KLHL1: variants seen among roughly 807,000 people sequenced by gnomAD.
KLHL1 encodes kelch like family member 1.
KLHL1 carries 47 observed loss-of-function variants against 77.7 expected under a neutral mutation model. The ratio of observed to expected loss-of-function variants is 0.60; its 90% confidence interval spans 0.48 to 0.77. KLHL1 has a LOEUF of 0.77. KLHL1 is among the 30% of genes least tolerant of loss of function. The pLI, the probability that KLHL1 is intolerant of heterozygous loss-of-function variation, is 0.00. For missense variants in KLHL1, 925 were observed against 910.8 expected, an observed-to-expected ratio of 1.02 and a Z score of -0.20; for synonymous variants, 360 against 325.2, an observed-to-expected ratio of 1.11 and a Z score of -1.15.
At chr13:69,785,810 AATG>A (rs1876509637) in intron 7 of KLHL1, among the ~76,000 whole-genome samples, 1 of 152,210 alleles carries the variant, frequency 6.6e-6, no homozygotes, top group Non-Finnish European at 1.5e-5. Flanking sequence ...TGCAATAAAA[AATG>A]ATAAAGGGGA....
chr13:69,758,191 C>T (rs1180948158), intron 7 of KLHL1, among the ~76,000 whole-genome samples: 1 of 151,990 alleles, frequency 6.6e-6, no homozygotes, highest in Non-Finnish European at 1.5e-5. Flanking sequence ...AAATCTTTCA[C>T]TATCTCTTAT....
intron 1 of KLHL1, among the ~76,000 whole-genome samples, chr13:69,983,856 T>A (rs1008889345): frequency 6.6e-6 from 1 of 151,938 alleles, no homozygotes; most frequent in Non-Finnish European, 1.5e-5. Context: ...CATAGACCAA[T>A]GGAACAGACT....
chr13:69,969,405 C>T (rs1884314155), intron 2 of KLHL1, among the ~76,000 whole-genome samples: 1 of 152,020 alleles, frequency 6.6e-6, no homozygotes, highest in South Asian at 2.1e-4. Context: ...ATATTTATTA[C>T]ATACCAATTA....
At chr13:69,780,904 G>A (rs749305799) in intron 7 of KLHL1, among the ~76,000 whole-genome samples, 3 of 151,376 alleles carry the variant, frequency 2.0e-5, no homozygotes, top group Non-Finnish European at 4.4e-5. Context: ...CCTGACACAT[G>A]AGCATTTCTG....
chr13:69,773,027 T>C (rs537174506), intron 7 of KLHL1, among the ~76,000 whole-genome samples: 1 of 152,018 alleles, frequency 6.6e-6, no homozygotes, highest in South Asian at 2.1e-4. Flanking sequence ...TGATGTTTTG[T>C]AGACCATTAC....
intron 1 of KLHL1, among the ~76,000 whole-genome samples, chr13:70,104,275 C>A (rs1253701461): frequency 6.6e-6 from 1 of 152,054 alleles, no homozygotes; most frequent in Non-Finnish European, 1.5e-5. Flanking sequence ...GGTAGTAGAG[C>A]ACTGAGATTT....
At chr13:70,013,480 G>GT (rs1301670021) in intron 1 of KLHL1, among the ~76,000 whole-genome samples, 1 of 152,196 alleles carries the variant, frequency 6.6e-6, no homozygotes, top group African/African-American at 2.4e-5. Flanking sequence ...AGGTGATAGT[G>GT]TAACAGTAGG....
chr13:69,956,158 T>A (rs1275986229), intron 3 of KLHL1, among the ~76,000 whole-genome samples: 7 of 139,918 alleles, frequency 5.0e-5, no homozygotes, highest in African/African-American at 1.9e-4. Flanking sequence ...TTATATATAT[T>A]TGATATATAT....
chr13:69,928,520 T>A (rs1286845439), intron 4 of KLHL1, among the ~76,000 whole-genome samples: 3 of 152,108 alleles, frequency 2.0e-5, no homozygotes, highest in Non-Finnish European at 4.4e-5. Flanking sequence ...TGTAAACAAC[T>A]CAAATGTCCA....
intron 7 of KLHL1, 129 bp from the exon 8 acceptor site, chr13:69,740,685 G>A: frequency 1.8e-6 from 1 of 564,628 alleles, no homozygotes; most frequent in Admixed American, 3.5e-5. Flanking sequence ...ATTAAAAATT[G>A]AATAGATTTA....
intron 5 of KLHL1, among the ~76,000 whole-genome samples, chr13:69,859,642 AATCT>A (rs1465433618): frequency 1.3e-5 from 2 of 152,148 alleles, no homozygotes; most frequent in African/African-American, 4.8e-5. Flanking sequence ...ATGCTCAGTA[AATCT>A]ATCTAAAAAT....
intron 1 of KLHL1, among the ~76,000 whole-genome samples, chr13:70,036,073 C>A (rs1160544816): frequency 6.6e-6 from 1 of 151,860 alleles, no homozygotes; most frequent in Admixed American, 6.6e-5. Flanking sequence ...AAATAATAAT[C>A]ATACTTCTAA....
chr13:69,978,488 AT>A (rs66960703), intron 1 of KLHL1, among the ~76,000 whole-genome samples: 85,234 of 139,340 alleles, frequency 0.61, 26,688 homozygotes, highest in Non-Finnish European at 0.7. Context: ...TGGTCAGAAT[AT>A]TTTTTTTTTT....
chr13:69,799,812 C>T (rs1354560472), intron 6 of KLHL1, among the ~76,000 whole-genome samples: 1 of 152,108 alleles, frequency 6.6e-6, no homozygotes, highest in African/African-American at 2.4e-5. Context: ...GGACGTGGAC[C>T]AGTAATGGTC....
At chr13:69,993,706 T>C (rs1257632959) in intron 1 of KLHL1, among the ~76,000 whole-genome samples, 3 of 152,072 alleles carry the variant, frequency 2.0e-5, no homozygotes, top group Non-Finnish European at 4.4e-5. Flanking sequence ...GGATGCCTTA[T>C]TATTTAATTT....
chr13:70,066,724 T>C (rs559762832), intron 1 of KLHL1, among the ~76,000 whole-genome samples: 3 of 152,340 alleles, frequency 2.0e-5, no homozygotes, highest in African/African-American at 7.2e-5. Context: ...ATGTCAAAGC[T>C]GGAATTATAA....
intron 1 of KLHL1, among the ~76,000 whole-genome samples, chr13:70,094,648 T>A (rs576992864): frequency 4.9e-4 from 74 of 152,234 alleles, no homozygotes; most frequent in African/African-American, 1.6e-3. Context: ...CATTTTACTT[T>A]GGATGGGCTT....
intron 8 of KLHL1, among the ~76,000 whole-genome samples, chr13:69,739,973 C>A (rs906487767): frequency 1.3e-5 from 2 of 152,104 alleles, no homozygotes; most frequent in African/African-American, 4.8e-5. Context: ...CAGAAGACTT[C>A]TTTCAACAAA....
At chr13:69,805,083 A>C (rs1368249340) in intron 6 of KLHL1, among the ~76,000 whole-genome samples, 1 of 152,064 alleles carries the variant, frequency 6.6e-6, no homozygotes, top group Non-Finnish European at 1.5e-5. Flanking sequence ...TTGCAGGAGA[A>C]ATATTTTTCC....
Sources: allele counts gnomAD v4.1 joint callset (sites outside exome capture counted in the v4.1 genomes callset), GRCh38; gene constraint gnomAD v4.1.1; transcripts MANE v1.5; gene names NCBI Gene and HGNC (gene_info 2026-07-23, HGNC 2026-07-21).